GPX6: variants seen among roughly 807,000 people sequenced by gnomAD.
GPX6 encodes glutathione peroxidase 6.
A neutral mutation model predicts 20.0 loss-of-function variants in GPX6; 21 were observed. The ratio of observed to expected loss-of-function variants is 1.05; its 90% CI spans 0.74 to 1.51. The LOEUF (loss-of-function observed/expected upper bound fraction) is 1.51. GPX6 is among the 40% of genes most tolerant of loss of function. The pLI is 0.00. For synonymous variants in GPX6, 75 were observed against 98.0 expected, an observed-to-expected ratio of 0.77 and a Z score of 1.38; for missense variants, 233 against 254.7, an observed-to-expected ratio of 0.91 and a Z score of 0.58.
intron 1 of GPX6, among the ~76,000 whole-genome samples, chr6:28,513,904 CCTT>C (rs1230878800): frequency 2.0e-5 from 3 of 151,834 alleles, no homozygotes; most frequent in Non-Finnish European, 4.4e-5. Flanking sequence ...CACAGCTTCT[CCTT>C]CATTATCCTT....
chr6:28,510,778 A>T lies in GPX6; in HGVS notation c.214T>A (p.Tyr72Asn), dbSNP rs35062161. Residue 72 changes from tyrosine (Y) to asparagine (N), a missense_variant, in exon 2 of 5, where the codon TAT (tyrosine) becomes AAT (asparagine). Physicochemically the swap from Tyr to Asn is moderately radical, Grantham distance 143. Coordinates refer to ENST00000361902, the MANE Select transcript of GPX6 (RefSeq NM_182701.1). ...GGATACTGAGCTGCCAAGCCTCAAT[A>T]GGCGGCCACATTGACAAACAGGACG... ...KHVLFVNVAA[Y>N]UGLAAQYPEL... 90,779 of 1,613,930 alleles carry T rather than the reference A, an allele frequency of 0.056. 2,967 individuals carry two copies. Among genetic ancestry groups the T allele is most frequent in the Non-Finnish European group, 0.065 (76,819 of 1,179,922 alleles).
At chr6:28,507,287 TAG>T (rs1762816388) in intron 2 of GPX6, among the ~76,000 whole-genome samples, 1 of 152,238 alleles carries the variant, frequency 6.6e-6, no homozygotes. Context: ...TCCTCTTAAA[TAG>T]AGAGTGCCTT....
At chr6:28,511,812 C>T (rs1762881804) in intron 1 of GPX6, among the ~76,000 whole-genome samples, 3 of 152,264 alleles carry the variant, frequency 2.0e-5, no homozygotes, top group Admixed American at 2.0e-4. Flanking sequence ...CCGGAGCCGG[C>T]CCCCTCAGCT....
In GPX6 at chr6:28,505,726, G is replaced by A. The variant is rs781765123; in HGVS notation, c.436C>T (p.Gln146Ter). ...ACCTTCAGGAAAGTAAAGACCTTCT[G>A]TTCTTTTTCTCCATTCACATCCCCT... ...EKGDVNGEKE[Q>*]KVFTFLKNSC... Residue 146 changes from glutamine (Q) to a stop codon, truncating the protein, a stop_gained, in exon 4 of 5, where the codon CAG becomes TAG. Transcript: ENST00000361902. LOFTEE classifies it high-confidence loss of function. 15 of 1,613,718 alleles carry A rather than the reference G, an allele frequency of 9.3e-6. No individual in the cohort carries two copies. Among genetic ancestry groups the A allele is most frequent in the Non-Finnish European group, 1.2e-5 (14 of 1,179,754 alleles).
At chr6:28,507,208 A>G (rs552481544) in intron 2 of GPX6, among the ~76,000 whole-genome samples, 1 of 152,188 alleles carries the variant, frequency 6.6e-6, no homozygotes, top group East Asian at 1.9e-4. Context: ...ATTTATTCAG[A>G]CCTCAGAACT....
chr6:28,512,450 T>C (rs1581841180), intron 1 of GPX6, among the ~76,000 whole-genome samples: 1 of 131,850 alleles, frequency 7.6e-6, no homozygotes, highest in Non-Finnish European at 1.6e-5. Context: ...GTGTGGACAC[T>C]CTGTATCTAG....
At chr6:28,514,486 G>GT (rs1408056767) in intron 1 of GPX6, among the ~76,000 whole-genome samples, 1 of 152,226 alleles carries the variant, frequency 6.6e-6, no homozygotes, top group Non-Finnish European at 1.5e-5. Flanking sequence ...GTCCGTTCAA[G>GT]TGATCTGTTA....
At chr6:28,509,470 G>C (rs981668080) in intron 2 of GPX6, among the ~76,000 whole-genome samples, 1 of 152,076 alleles carries the variant, frequency 6.6e-6, no homozygotes, top group African/African-American at 2.4e-5. Context: ...GGAGGCAGAG[G>C]TTGCAGTGAG....
At chr6:28,513,175 T>C (rs1009568396) in intron 1 of GPX6, among the ~76,000 whole-genome samples, 3 of 152,198 alleles carry the variant, frequency 2.0e-5, no homozygotes, top group African/African-American at 4.8e-5. Context: ...CTTGCACTTA[T>C]TCTCCATGCC....
chr6:28,512,007 G>A (rs757357497), intron 1 of GPX6, among the ~76,000 whole-genome samples: 122 of 152,360 alleles, frequency 8.0e-4, no homozygotes, highest in Non-Finnish European at 1.4e-3. Context: ...TTCTCGCTGG[G>A]CCTTAGCTGC....
intron 1 of GPX6, among the ~76,000 whole-genome samples, chr6:28,513,385 A>G (rs912993502): frequency 6.6e-6 from 1 of 152,124 alleles, no homozygotes. Context: ...TTAAGGTTGG[A>G]GCTCCACAAT....
chr6:28,512,107 G>A (rs1489054838), intron 1 of GPX6, among the ~76,000 whole-genome samples: 3 of 152,216 alleles, frequency 2.0e-5, no homozygotes, highest in African/African-American at 4.8e-5. Flanking sequence ...GAGCCTCCCC[G>A]ACGAGCACCG....
At chr6:28,506,568 A>AACTC in intron 2 of GPX6, 139 bp from the exon 3 acceptor site, 1 of 593,918 alleles carries the variant, frequency 1.7e-6, no homozygotes, top group Non-Finnish European at 3.0e-6. Flanking sequence ...ACAGAGATCA[A>AACTC]AGGAGTAGAG....
At chr6:28,512,786 C>T (rs917881147) in intron 1 of GPX6, among the ~76,000 whole-genome samples, 1 of 152,094 alleles carries the variant, frequency 6.6e-6, no homozygotes. Context: ...CCAGCGAGAC[C>T]ACGAACCCAC....
intron 1 of GPX6, among the ~76,000 whole-genome samples, chr6:28,514,074 A>G (rs1762980353): frequency 6.6e-6 from 1 of 152,252 alleles, no homozygotes; most frequent in African/African-American, 2.4e-5. Context: ...TTTTGCCTTC[A>G]TGACACCTTA....
In GPX6 at chr6:28,510,839, C is replaced by T. The variant is rs562827573; in HGVS notation, c.153G>A (p.Glu51=). 3.7e-4 allele frequency: 597 copies of T among 1,614,128 alleles called. 5 individuals are homozygous for T. The South Asian group carries it at 6.1e-3, about 17-fold the overall frequency. The stretch of plus-strand genomic sequence containing the variant: ...CAAACTGCTTGAATTGGATGTACTC[C>T]TCGCCGTTGAGGGTGAGGGCTCCAT... The part of the protein sequence containing the change: ...YEYGALTLNG[E]EYIQFKQFAG... The change falls in exon 2 of 5, where the codon GAG becomes GAA. Residue 51 remains glutamate, a synonymous_variant. Coordinates refer to ENST00000361902, the MANE Select transcript of GPX6 (RefSeq NM_182701.1).
intron 2 of GPX6, among the ~76,000 whole-genome samples, chr6:28,508,141 C>T (rs1267327030): frequency 6.6e-6 from 1 of 151,876 alleles, no homozygotes; most frequent in African/African-American, 2.4e-5. Context: ...AAGTATATTG[C>T]CTATTCAATA....
rs777552515 is a variant in GPX6, at chr6:28,504,218, G to A, written c.*74C>T. The A allele has an allele frequency of 5.0e-5, 72 of 1,449,156 alleles. No homozygotes were observed. Among genetic ancestry groups the A allele is most frequent in the Non-Finnish European group, 6.6e-5 (69 of 1,037,842 alleles). 89.8% of individuals were successfully genotyped at this position (1,449,156 alleles called of 1,614,324 possible). On this transcript the variant is annotated 3_prime_UTR_variant, in exon 5 of 5. Transcript: ENST00000361902. ...GCACGAGTGTGGAGCAAAGAAGGAGGAAGATGGATGCTTTGTTAGACATTC... is the reference window on the plus strand; with the variant it reads ...GCACGAGTGTGGAGCAAAGAAGGAGAAAGATGGATGCTTTGTTAGACATTC...
chr6:28,513,892 G>A (rs1762975151), intron 1 of GPX6, among the ~76,000 whole-genome samples: 1 of 152,178 alleles, frequency 6.6e-6, no homozygotes, highest in African/African-American at 2.4e-5. Flanking sequence ...ACGACACAAG[G>A]CCACAGCTTC....
Sources: gnomAD v4.1 joint callset for allele counts (sites outside exome capture counted in the v4.1 genomes callset) on GRCh38, gnomAD v4.1.1 for gene constraint, MANE v1.5 for transcripts, NCBI Gene and HGNC (gene_info 2026-07-23, HGNC 2026-07-21) for gene names.